CADPS: variants seen among roughly 807,000 people sequenced by gnomAD.
The protein encoded by CADPS is calcium dependent secretion activator.
CADPS carries 57 observed loss-of-function variants against 167.3 expected under a neutral mutation model. The observed-to-expected ratio is 0.34, with a 90% CI of 0.28 to 0.42. The LOEUF is 0.42. Among genes scored for constraint, CADPS ranks in the 20% least tolerant of loss-of-function variants. The probability of loss-of-function intolerance (pLI) is 1.00; values close to 1 mark genes in which losing one functional copy is unlikely to be tolerated. For synonymous variants in CADPS, 676 were observed against 635.3 expected (o/e 1.06, Z -0.96); for missense variants, 1,414 against 1,738.1 (o/e 0.81, Z 3.32).
intron 3 of CADPS, among the ~76,000 whole-genome samples, chr3:62,698,363 T>G (rs894558087): frequency 1.3e-5 from 2 of 152,118 alleles, no homozygotes; most frequent in South Asian, 4.1e-4. Context: ...CACTGTTTCA[T>G]GTGTGACACA....
chr3:62,461,022 A>G (rs191150010), intron 26 of CADPS, among the ~76,000 whole-genome samples: 41 of 152,246 alleles, frequency 2.7e-4, no homozygotes, highest in Middle Eastern at 6.8e-3. Flanking sequence ...CTGCTTTGAG[A>G]TGGGGCCTGG....
chr3:62,432,294 A>T (rs958552474), intron 28 of CADPS, among the ~76,000 whole-genome samples: 14 of 152,188 alleles, frequency 9.2e-5, no homozygotes, highest in Admixed American at 7.9e-4. Context: ...AGATGGGGAA[A>T]TTGAGGCTTA....
At chr3:62,549,004 T>A (rs2076918846) in intron 11 of CADPS, among the ~76,000 whole-genome samples, 1 of 152,230 alleles carries the variant, frequency 6.6e-6, no homozygotes, top group Non-Finnish European at 1.5e-5. Flanking sequence ...CATTAGCATG[T>A]CTTATTTCTA....
In CADPS at chr3:62,874,625, G is replaced by A. The variant is rs369016576; in HGVS notation, c.405C>T (p.Ala135=). 8 of 1,559,930 alleles carry A rather than the reference G, an allele frequency of 5.1e-6. No homozygotes were observed. The highest frequency in any genetic ancestry group is 6.9e-6 in the Non-Finnish European group (8 of 1,151,242). Residue 135 remains alanine, a synonymous_variant, in exon 1 of 30, where the codon GCC becomes GCT. Transcript: ENST00000383710. The surrounding 1 kb of genome is among the most constrained non-coding windows in gnomAD (Gnocchi z 7.1). ...GGCGAGCCATGTCGGTGGGCTGCTT[G>A]GCATTAAAGGGGTAGGCGATGCAGC... ...VMRCIAYPFN[A]KQPTDMARRQ... is the part of the protein sequence containing the mutation.
intron 1 of CADPS, chr3:62,779,774 GC>G (rs1222102131): frequency 3.1e-6 from 1 of 320,142 alleles, no homozygotes; most frequent in Non-Finnish European, 6.1e-6. Flanking sequence ...CCTCCACGAA[GC>G]TCCTCAACAC....
chr3:62,524,813 G>A (rs1312930906), intron 13 of CADPS, among the ~76,000 whole-genome samples: 6 of 152,140 alleles, frequency 3.9e-5, no homozygotes, highest in African/African-American at 7.2e-5. Context: ...TAGAGAAATT[G>A]TATAAAATGC....
chr3:62,683,041 T>C (rs1332436157), intron 3 of CADPS, among the ~76,000 whole-genome samples: 2 of 151,970 alleles, frequency 1.3e-5, no homozygotes, highest in Non-Finnish European at 2.9e-5. Context: ...AGAGGAAATG[T>C]TGGAAGCAGG....
At chr3:62,620,994 G>T (rs1291642828) in intron 6 of CADPS, among the ~76,000 whole-genome samples, 1 of 152,136 alleles carries the variant, frequency 6.6e-6, no homozygotes, top group Non-Finnish European at 1.5e-5. Context: ...TAATGCTCTG[G>T]CAGTCATTTC....
intron 6 of CADPS, among the ~76,000 whole-genome samples, chr3:62,617,821 T>C (rs2062564638): frequency 6.6e-6 from 1 of 152,142 alleles, no homozygotes; most frequent in South Asian, 2.1e-4. Context: ...GAATGAACTA[T>C]GTGAGGGTAG....
At position 62,647,691 on chromosome 3, in the gene CADPS, TAGAA is replaced by T. The variant is rs1337676953; in HGVS notation, c.1204-1852_1204-1849del. Reference sequence around the variant, plus strand: ...TTTACATTGGGAAGAACCATATAAATAGAAAGAAATGGAAGGCACAGTGAAAGAG... The same window carrying T: ...TTTACATTGGGAAGAACCATATAAATAGAAATGGAAGGCACAGTGAAAGAG... On this transcript the variant is annotated intron_variant, in intron 5 of 29. Coordinates refer to ENST00000383710, the MANE Select transcript of CADPS (RefSeq NM_003716.4). Among the ~76,000 whole-genome samples, 3 of 152,066 alleles carry T rather than the reference TAGAA, an allele frequency of 2.0e-5. No homozygotes were observed. The East Asian group carries it at 5.8e-4, about 29-fold the overall frequency.
At chr3:62,450,729 A>G (rs747126606) in intron 26 of CADPS, among the ~76,000 whole-genome samples, 1 of 152,230 alleles carries the variant, frequency 6.6e-6, no homozygotes, top group Non-Finnish European at 1.5e-5. Flanking sequence ...GCAATTGTTC[A>G]TGTTTTCCTG....
intron 2 of CADPS, among the ~76,000 whole-genome samples, chr3:62,757,992 T>C (rs971568709): frequency 6.6e-6 from 1 of 152,212 alleles, no homozygotes; most frequent in Non-Finnish European, 1.5e-5. Flanking sequence ...GGTACCCCCA[T>C]GACACGTGGG....
chr3:62,570,296 T>C (rs972650362), intron 9 of CADPS, among the ~76,000 whole-genome samples: 2 of 150,184 alleles, frequency 1.3e-5, no homozygotes, highest in Non-Finnish European at 3.0e-5. Context: ...AACATAGTTA[T>C]GGGACGTTGG....
chr3:62,445,172 A>T (rs1037956974), intron 27 of CADPS, among the ~76,000 whole-genome samples: 18 of 152,192 alleles, frequency 1.2e-4, no homozygotes, highest in African/African-American at 4.3e-4. Flanking sequence ...CGAGTGCTTT[A>T]TCTGTGAACT....
chr3:62,552,485 G>A (rs530582914), intron 10 of CADPS, among the ~76,000 whole-genome samples: 1 of 152,298 alleles, frequency 6.6e-6, no homozygotes, highest in African/African-American at 2.4e-5. Context: ...AGATTACTCA[G>A]CATTCTCTAG....
At position 62,400,419 on chromosome 3, in the gene CADPS, A is replaced by AT. The variant is rs369166539; in HGVS notation, c.3883-835dup. 2.8e-4 allele frequency among the ~76,000 whole-genome samples: 41 copies of AT among 149,062 alleles called. 1 individual carries two copies. Among genetic ancestry groups the AT allele is most frequent in the South Asian group, 1.5e-3 (7 of 4,684 alleles). ...GCATCTGGCTGTTGTCTACTTTGTA[A>AT]TTTTTTTTTTGTTTTTTTAAAAGGT... On this transcript the variant is annotated intron_variant, in intron 29 of 29. Coordinates refer to ENST00000383710, the MANE Select transcript of CADPS (RefSeq NM_003716.4).
intron 3 of CADPS, among the ~76,000 whole-genome samples, chr3:62,738,870 G>C (rs2079578449): frequency 1.3e-5 from 2 of 151,966 alleles, no homozygotes; most frequent in African/African-American, 4.8e-5. Context: ...ATAAAACATT[G>C]ACTGTTTACT....
intron 3 of CADPS, among the ~76,000 whole-genome samples, chr3:62,742,363 C>G (rs1188746540): frequency 6.6e-6 from 1 of 152,144 alleles, no homozygotes; most frequent in East Asian, 1.9e-4. Flanking sequence ...ATCATTCTAC[C>G]TGACTTCAAA....
intron 6 of CADPS, among the ~76,000 whole-genome samples, chr3:62,605,997 C>T (rs541245924): frequency 6.6e-6 from 1 of 152,150 alleles, no homozygotes; most frequent in East Asian, 1.9e-4. Flanking sequence ...AGGACTTGTT[C>T]TCATTTTTCT....
Sources: gnomAD v4.1 joint callset for allele counts (sites outside exome capture counted in the v4.1 genomes callset) on GRCh38, gnomAD v4.1.1 for gene constraint, Gnocchi (gnomAD v3.1) non-coding constraint, MANE v1.5 for transcripts, NCBI Gene and HGNC (gene_info 2026-07-23, HGNC 2026-07-21) for gene names.